The following TXLNA variants were observed in gnomAD, a reference collection of about 807,000 sequenced individuals.
TXLNA encodes taxilin alpha.
A neutral mutation model predicts 61.4 loss-of-function variants in TXLNA; 9 were observed. The ratio of observed to expected loss-of-function variants is 0.15; its 90% CI spans 0.09 to 0.26. The LOEUF is 0.26. TXLNA is among the 10% of genes least tolerant of loss of function. The pLI is 1.00. For missense variants in TXLNA, 565 were observed against 688.8 expected, an observed-to-expected ratio of 0.82 and a Z score of 2.01; for synonymous variants, 257 against 267.7, an observed-to-expected ratio of 0.96 and a Z score of 0.39.
chr1:32,184,221 A>G (rs543927827), intron 3 of TXLNA, among the ~76,000 whole-genome samples: 3 of 152,258 alleles, frequency 2.0e-5, no homozygotes, highest in African/African-American at 4.8e-5. Context: ...CCTTTCTTCT[A>G]TTGGTAGAGC....
At chr1:32,183,326 G>A (rs185113037) in intron 3 of TXLNA, among the ~76,000 whole-genome samples, 10 of 148,886 alleles carry the variant, frequency 6.7e-5, no homozygotes, top group Non-Finnish European at 1.5e-4. Context: ...GGGTTTCACT[G>A]TGTTAGCCAG....
chr1:32,188,166 G>T, intron 5 of TXLNA, 42 bp downstream of exon 5: 1 of 1,510,176 alleles, frequency 6.6e-7, no homozygotes, highest in South Asian at 1.2e-5. Context: ...TGGTTTCCTT[G>T]ACTTCCACTT....
chr1:32,180,687 C>A (rs1055317561), intron 2 of TXLNA, among the ~76,000 whole-genome samples, 173 bp downstream of exon 2: 1 of 152,266 alleles, frequency 6.6e-6, no homozygotes, highest in African/African-American at 2.4e-5. Context: ...GGAGCTGCCC[C>A]CTCTAAGCAC....
At chr1:32,183,466 C>G (rs1179800372) in intron 3 of TXLNA, among the ~76,000 whole-genome samples, 3 of 98,588 alleles carry the variant, frequency 3.0e-5, no homozygotes, top group African/African-American at 4.1e-5. Context: ...CTCGCTCTGT[C>G]CCTAGGTTGG....
rs1643022680 is a variant in TXLNA at position 32,196,273 on chromosome 1, A to G, written c.*1078A>G. On this transcript the variant is annotated 3_prime_UTR_variant, in exon 11 of 11. Transcript: ENST00000373610. ...ACCAGTTCCCATCAGCACTGTCTCCATGCAGCAGTTGCTGGGTCCCATGTC... is the reference window on the plus strand; with the variant it reads ...ACCAGTTCCCATCAGCACTGTCTCCGTGCAGCAGTTGCTGGGTCCCATGTC... 1 of 152,430 alleles carries G rather than the reference A, an allele frequency of 6.6e-6. No homozygotes were observed. The allele number at this position is 152,430 out of a possible 1,614,324, so 9.4% of individuals were successfully genotyped here. A position where few individuals can be genotyped will look rare whatever the true frequency, so the allele number is the denominator to read the frequency against.
At position 32,195,340 on chromosome 1, in the gene TXLNA, G is replaced by A; in HGVS notation, c.*145G>A. The A allele has an allele frequency of 1.1e-6, 1 of 922,048 alleles. No homozygotes were observed. Among genetic ancestry groups the A allele is most frequent in the East Asian group, 2.6e-5 (1 of 37,742 alleles). The allele number at this position is 922,048 out of a possible 1,614,324, so 57.1% of individuals were successfully genotyped here. On this transcript the variant is annotated 3_prime_UTR_variant, in exon 11 of 11. Transcript: ENST00000373610. ...TCTGGCACTTGCAATTTTGGATTTT[G>A]TGGGTCAGTTTTACGTACATAGGGC...
At chr1:32,184,980 T>C (rs577669935) in intron 4 of TXLNA, among the ~76,000 whole-genome samples, 22 of 152,324 alleles carry the variant, frequency 1.4e-4, no homozygotes, top group Admixed American at 1.4e-3. Context: ...TTCCTTTTAC[T>C]CCAGAGCAGT....
At chr1:32,189,809 G>A (rs1347373801) in intron 5 of TXLNA, among the ~76,000 whole-genome samples, 1 of 151,988 alleles carries the variant, frequency 6.6e-6, no homozygotes, top group Non-Finnish European at 1.5e-5. Flanking sequence ...CCAAAGTGCT[G>A]GGATTACAGG....
chr1:32,184,763 C>T, intron 4 of TXLNA, 147 bp downstream of exon 4: 1 of 562,394 alleles, frequency 1.8e-6, no homozygotes. Flanking sequence ...GAATCACTTC[C>T]AGCCAGCCTC....
rs35693792 is a variant in TXLNA at position 32,182,098 on chromosome 1, C to CTTTTT, written c.505+540_505+544dup. Among the ~76,000 whole-genome samples, 465 of 101,678 alleles carry CTTTTT rather than the reference C, an allele frequency of 4.6e-3. 4 individuals are homozygous for CTTTTT. Among genetic ancestry groups the CTTTTT allele is most frequent in the African/African-American group, 9.6e-3 (255 of 26,454 alleles). The allele number at this position is 101,678 out of a possible 152,430, so 66.7% of individuals were successfully genotyped here. On this transcript the variant is annotated intron_variant, in intron 3 of 10. Coordinates refer to ENST00000373610, the MANE Select transcript of TXLNA (RefSeq NM_175852.4). ...AAACTACAGGCTGGGTGCAGTCAGG[C>CTTTTT]TTTTTTTTTTTTTTTTTTTTTTTAA...
chr1:32,190,826 C>G (rs1256825386), intron 6 of TXLNA, among the ~76,000 whole-genome samples: 1 of 152,220 alleles, frequency 6.6e-6, no homozygotes, highest in African/African-American at 2.4e-5. Context: ...GGCGTGGTGG[C>G]TCATGCCTGT....
intron 3 of TXLNA, among the ~76,000 whole-genome samples, chr1:32,183,124 C>T (rs1187425429): frequency 6.6e-6 from 1 of 151,740 alleles, no homozygotes; most frequent in African/African-American, 2.4e-5. Flanking sequence ...TCATCTTCTT[C>T]ACCCCCCACC....
At chr1:32,185,714 T>C (rs1348866340) in intron 4 of TXLNA, among the ~76,000 whole-genome samples, 1 of 149,314 alleles carries the variant, frequency 6.7e-6, no homozygotes. Flanking sequence ...TATTTATTTA[T>C]TCAGAGTCAG....
intron 4 of TXLNA, among the ~76,000 whole-genome samples, chr1:32,185,461 C>T (rs904991985): frequency 2.0e-5 from 3 of 151,804 alleles, no homozygotes; most frequent in South Asian, 2.1e-4. Context: ...GGCACGATCT[C>T]GGCTCGCTGC....
intron 2 of TXLNA, among the ~76,000 whole-genome samples, chr1:32,180,789 A>C (rs1394081188): frequency 6.6e-6 from 1 of 152,216 alleles, no homozygotes; most frequent in Non-Finnish European, 1.5e-5. Flanking sequence ...TCCCGTTAGA[A>C]ACACCTCAGC....
intron 4 of TXLNA, among the ~76,000 whole-genome samples, chr1:32,187,304 G>C (rs1642808875): frequency 6.6e-6 from 1 of 152,076 alleles, no homozygotes; most frequent in South Asian, 2.1e-4. Context: ...TACTTTTTTA[G>C]TGCGGCCAGT....
In TXLNA at chr1:32,181,278, G is replaced by T. The variant is rs747630750; in HGVS notation, c.206G>T (p.Arg69Leu). The T allele has an allele frequency of 1.2e-6, 2 of 1,609,224 alleles. No homozygotes were observed. The highest frequency in any genetic ancestry group is 1.7e-6 in the Non-Finnish European group (2 of 1,176,262). ...QARTAQSGAL[R>L]DVSEELSRQL... ...AGAACGGCTCAGTCTGGGGCCCTTC[G>T]TGATGTCTCTGAGGAGCTGAGCCGC... The change falls in exon 3 of 11, where the codon CGT becomes CTT. Residue 69 changes from arginine (R) to leucine (L), a missense_variant. Transcript: ENST00000373610.
At position 32,190,183 on chromosome 1, in the gene TXLNA, C is replaced by T; in HGVS notation, c.897C>T (p.Arg299=). Residue 299 remains arginine, a synonymous_variant, in exon 6 of 11, where the codon CGC becomes CGT. Transcript: ENST00000373610. ...EQHNERNSKL[R]QENMELAERL... The stretch of plus-strand genomic sequence containing the variant: ...ACAATGAGCGCAACTCCAAGCTGCG[C>T]CAAGAGAACATGGAGCTGGCTGAGA... 1 of 1,604,124 alleles carries T rather than the reference C, an allele frequency of 6.2e-7. No individual in the cohort carries two copies.
intron 5 of TXLNA, 93 bp from the exon 6 acceptor site, chr1:32,189,962 G>A (rs764602531): frequency 1.1e-5 from 15 of 1,350,278 alleles, no homozygotes; most frequent in Non-Finnish European, 1.5e-5. Context: ...TGGGAGCAGG[G>A]AGGGCTGTTG....
Sources: gnomAD v4.1 joint callset for allele counts (sites outside exome capture counted in the v4.1 genomes callset) on GRCh38, gnomAD v4.1.1 for gene constraint, MANE v1.5 for transcripts, NCBI Gene and HGNC (gene_info 2026-07-23, HGNC 2026-07-21) for gene names.